Variants in VSTM1 observed in about 807,000 individuals in gnomAD.
VSTM1 encodes the protein V-set and transmembrane domain containing 1.
VSTM1 carries 27 observed loss-of-function variants against 33.1 expected under a neutral mutation model. The ratio of observed to expected loss-of-function variants is 0.82; its 90% CI spans 0.60 to 1.12. VSTM1 has a LOEUF of 1.12. Among genes scored for constraint, VSTM1 ranks in the 50% most tolerant of loss-of-function variants. The probability of loss-of-function intolerance (pLI) is 0.00; values close to 1 mark genes in which losing one functional copy is unlikely to be tolerated. For synonymous variants in VSTM1, 115 were observed against 110.3 expected, an observed-to-expected ratio of 1.04 and a Z score of -0.27; for missense variants, 304 against 288.9, an observed-to-expected ratio of 1.05 and a Z score of -0.38.
At chr19:54,053,859 C>A (rs1450082917) in intron 3 of VSTM1, among the ~76,000 whole-genome samples, 3 of 142,436 alleles carry the variant, frequency 2.1e-5, no homozygotes, top group African/African-American at 7.8e-5. Context: ...ACTCTGATAG[C>A]TTGCTCTTAT....
At chr19:54,059,560 C>A (rs1164392270) in intron 1 of VSTM1, among the ~76,000 whole-genome samples, 4 of 151,704 alleles carry the variant, frequency 2.6e-5, no homozygotes, top group African/African-American at 9.7e-5. Flanking sequence ...CTCCTCCACC[C>A]CCTGGGTTCA....
intron 3 of VSTM1, among the ~76,000 whole-genome samples, chr19:54,052,125 G>A (rs1045318045): frequency 1.3e-5 from 2 of 152,052 alleles, no homozygotes; most frequent in East Asian, 1.9e-4. Context: ...TTGGCCGGGC[G>A]CAGTGGCTCA....
Position 54,042,374 on chromosome 19 carries a change from A to G in VSTM1, c.395-5T>C. ...CGACAAAGATGGTTCTGGTGTCTGGAGGGGGAAGAGCAGGTCAGGGAATCA... is the reference window on the plus strand; with the variant it reads ...CGACAAAGATGGTTCTGGTGTCTGGGGGGGGAAGAGCAGGTCAGGGAATCA... On this transcript the variant is annotated splice_region_variant and splice_polypyrimidine_tract_variant and intron_variant, in intron 4 of 8. Transcript: ENST00000338372. The G allele has an allele frequency of 6.2e-7, 1 of 1,612,748 alleles. No individual in the cohort carries two copies. Among genetic ancestry groups the G allele is most frequent in the South Asian group, 1.1e-5 (1 of 90,960 alleles).
chr19:54,040,933 T>C lies in VSTM1; in HGVS notation c.*28A>G. Reference sequence around the variant, plus strand: ...TAACCTTGGCCAGCACGATCCCCCCTCCTTTAGTGGCCAGGGCTGTCTTCT... The same window carrying C: ...TAACCTTGGCCAGCACGATCCCCCCCCCTTTAGTGGCCAGGGCTGTCTTCT... On this transcript the variant is annotated 3_prime_UTR_variant, in exon 9 of 9. Coordinates refer to ENST00000338372, the MANE Select transcript of VSTM1 (RefSeq NM_198481.4). The C allele has an allele frequency of 1.2e-6, 2 of 1,604,256 alleles. No individual in the cohort carries two copies. Among genetic ancestry groups the C allele is most frequent in the African/African-American group, 1.4e-5 (1 of 74,048 alleles).
intron 4 of VSTM1, among the ~76,000 whole-genome samples, chr19:54,044,962 G>A (rs1201765209): frequency 6.6e-6 from 1 of 152,136 alleles, no homozygotes; most frequent in Non-Finnish European, 1.5e-5. Context: ...AACTATAGAA[G>A]TGAGGCCCCA....
intron 4 of VSTM1, among the ~76,000 whole-genome samples, chr19:54,049,524 A>T (rs2070743040): frequency 6.6e-6 from 1 of 152,202 alleles, no homozygotes; most frequent in Non-Finnish European, 1.5e-5. Context: ...ATCAATAAAA[A>T]AAGAAAGAAA....
At chr19:54,058,194 C>T in intron 3 of VSTM1, 112 bp downstream of exon 3, 5 of 1,172,432 alleles carry the variant, frequency 4.3e-6, no homozygotes, top group Non-Finnish European at 6.0e-6. Context: ...GAGCCGAGAT[C>T]GTGCCACTGC....
chr19:54,053,469 G>C (rs1286800180), intron 3 of VSTM1, among the ~76,000 whole-genome samples: 1 of 142,486 alleles, frequency 7.0e-6, no homozygotes, highest in Non-Finnish European at 1.6e-5. Context: ...GTTTGCTAGG[G>C]CATTTGCTCT....
At chr19:54,052,378 A>T (rs2070896697) in intron 3 of VSTM1, among the ~76,000 whole-genome samples, 1 of 139,780 alleles carries the variant, frequency 7.2e-6, no homozygotes, top group African/African-American at 2.7e-5. Context: ...AGCCTGAGGG[A>T]CAGAGCCAGA....
intron 4 of VSTM1, among the ~76,000 whole-genome samples, chr19:54,045,590 G>A (rs1288798391): frequency 1.3e-5 from 2 of 149,478 alleles, no homozygotes; most frequent in African/African-American, 5.0e-5. Context: ...TCTATCTAAT[G>A]TATCTATCAA....
At chr19:54,044,654 A>G (rs1167890864) in intron 4 of VSTM1, among the ~76,000 whole-genome samples, 1 of 152,216 alleles carries the variant, frequency 6.6e-6, no homozygotes, top group African/African-American at 2.4e-5. Context: ...ATTGCCATGC[A>G]AGTCTACATC....
intron 3 of VSTM1, among the ~76,000 whole-genome samples, 171 bp from the exon 4 acceptor site, chr19:54,051,619 TC>T (rs1284605450): frequency 6.6e-6 from 1 of 152,166 alleles, no homozygotes; most frequent in East Asian, 1.9e-4. Flanking sequence ...GGACAGAGCC[TC>T]AGATTACTCT....
At chr19:54,041,428 A>C (rs553558759) in intron 8 of VSTM1, among the ~76,000 whole-genome samples, 16 of 151,784 alleles carry the variant, frequency 1.1e-4, no homozygotes, top group Admixed American at 2.6e-4. Context: ...CAGCCTCCTG[A>C]GTAGCTGGGA....
Position 54,041,828 on chromosome 19 carries a change from A to AG in VSTM1, c.554-13dup. ...GGATAAATCTGCCTCTGAGTGAGAA[A>AG]GGAAAAAAAAAAATCAGTTCTCAGC... is the stretch of plus-strand genomic sequence containing the variant. On this transcript the variant is annotated splice_polypyrimidine_tract_variant and intron_variant, in intron 7 of 8. Transcript: ENST00000338372. 4 of 1,613,228 alleles carry AG rather than the reference A, an allele frequency of 2.5e-6. No homozygotes were observed. Among genetic ancestry groups the AG allele is most frequent in the Non-Finnish European group, 3.4e-6 (4 of 1,179,644 alleles).
At chr19:54,050,090 C>T (rs947163251) in intron 4 of VSTM1, among the ~76,000 whole-genome samples, 1 of 150,174 alleles carries the variant, frequency 6.7e-6, no homozygotes, top group Non-Finnish European at 1.5e-5. Flanking sequence ...CCTCTGCCTC[C>T]CAGGTTCAAG....
chr19:54,062,857 C>G (rs1212506029), intron 1 of VSTM1, among the ~76,000 whole-genome samples: 2 of 152,132 alleles, frequency 1.3e-5, no homozygotes, highest in Admixed American at 1.3e-4. Flanking sequence ...CCGCACCCCC[C>G]GTGCACCAGG....
intron 8 of VSTM1, 79 bp from the exon 9 acceptor site, chr19:54,041,159 A>G (rs1426019853): frequency 2.2e-6 from 3 of 1,383,480 alleles, no homozygotes; most frequent in Non-Finnish European, 2.9e-6. Context: ...TTGACATTTA[A>G]GTTAATTACA....
Position 54,056,682 on chromosome 19 carries a change from C to A in VSTM1, c.355+1624G>T, listed in dbSNP as rs1194716122. On this transcript the variant is annotated intron_variant, in intron 3 of 8. Transcript: ENST00000338372. ...CTGTAACAGACCATCTTTTCCATGGCAATCATCACTTGGTCTGTCAGTCTT... is the reference window on the plus strand; with the variant it reads ...CTGTAACAGACCATCTTTTCCATGGAAATCATCACTTGGTCTGTCAGTCTT... 1.4e-5 allele frequency among the ~76,000 whole-genome samples: 2 copies of A among 140,148 alleles called. 1 individual carries two copies. Among genetic ancestry groups the A allele is most frequent in the Non-Finnish European group, 3.1e-5 (2 of 63,830 alleles). The allele number at this position is 140,148 out of a possible 152,430, so 91.9% of individuals were successfully genotyped here. A position where few individuals can be genotyped will look rare whatever the true frequency, so the allele number is the denominator to read the frequency against.
rs926454934 is a variant in VSTM1 at position 54,053,616 on chromosome 19, C to T, written c.356-2168G>A. On this transcript the variant is annotated intron_variant, in intron 3 of 8. Coordinates refer to ENST00000338372, the MANE Select transcript of VSTM1 (RefSeq NM_198481.4). ...GAAATGGACCCTTCCCCAGTCAAGC[C>T]TCCAGATGAGCCAGATGAGAACACA... 1.4e-5 allele frequency among the ~76,000 whole-genome samples: 2 copies of T among 141,646 alleles called. 1 individual carries two copies. Among genetic ancestry groups the T allele is most frequent in the Non-Finnish European group, 3.1e-5 (2 of 64,322 alleles). The allele number at this position is 141,646 out of a possible 152,430, so 92.9% of individuals were successfully genotyped here. A position where few individuals can be genotyped will look rare whatever the true frequency, so the allele number is the denominator to read the frequency against.
Sources: allele counts gnomAD v4.1 joint callset (sites outside exome capture counted in the v4.1 genomes callset), GRCh38; gene constraint gnomAD v4.1.1; transcripts MANE v1.5; gene names NCBI Gene and HGNC (gene_info 2026-07-23, HGNC 2026-07-21).